The following SLC25A22 variants were observed in gnomAD, a reference collection of about 807,000 sequenced individuals.
SLC25A22 encodes solute carrier family 25 member 22, also known as mitochondrial glutamate carrier 1.
A neutral mutation model predicts 33.7 loss-of-function variants in SLC25A22; 23 were observed. The ratio of observed to expected loss-of-function variants is 0.68; its 90% CI spans 0.49 to 0.97. The LOEUF (loss-of-function observed/expected upper bound fraction) is 0.97, where lower values mean the gene tolerates loss of function less well. SLC25A22 is among the 50% of genes least tolerant of loss of function. The pLI, the probability that SLC25A22 is intolerant of heterozygous loss-of-function variation, is 0.00. For synonymous variants in SLC25A22, 245 were observed against 203.8 expected, an observed-to-expected ratio of 1.20 and a Z score of -1.72; for missense variants, 390 against 451.1, an observed-to-expected ratio of 0.86 and a Z score of 1.23.
intron 1 of SLC25A22, chr11:796,412 C>G (rs529921596): frequency 6.6e-6 from 1 of 152,256 alleles, no homozygotes; most frequent in African/African-American, 2.4e-5. Flanking sequence ...TCAGGCTGAC[C>G]TGGCACAGCG....
At chr11:795,888 AGAG>A (rs1478475317) in intron 1 of SLC25A22, among the ~76,000 whole-genome samples, 1 of 152,076 alleles carries the variant, frequency 6.6e-6, no homozygotes, top group African/African-American at 2.4e-5. Context: ...CATCCACTAC[AGAG>A]GAGGAGAGGA....
rs537403010 is a variant in SLC25A22, at chr11:791,706, T to A, written c.*209A>T. On this transcript the variant is annotated 3_prime_UTR_variant, in exon 10 of 10. Transcript: ENST00000628067. The stretch of plus-strand genomic sequence containing the variant: ...TGTAAAGATTTCTGCATTTTCTACA[T>A]AAATGAGACATTGATCCCAACGGTG... 1.6e-6 allele frequency: 1 copy of A among 640,688 alleles called. No individual in the cohort carries two copies. The highest frequency in any genetic ancestry group is 1.8e-5 in the African/African-American group (1 of 54,602). 39.7% of individuals were successfully genotyped at this position (640,688 alleles called of 1,614,324 possible). A position where few individuals can be genotyped will look rare whatever the true frequency, so the allele number is the denominator to read the frequency against.
rs750685962 is a variant in SLC25A22 at position 792,102 on chromosome 11, C to G, written c.819-34G>C. 7.8e-5 allele frequency: 125 copies of G among 1,603,138 alleles called. 1 individual carries two copies. The highest frequency in any genetic ancestry group is 7.6e-4 in the South Asian group (68 of 90,032). ...GAAGGACGAAAGGGTCAGCCCGGTA[C>G]GCAGGCCCCCAGGCCCCACCCGCCG... On this transcript the variant is annotated intron_variant, in intron 9 of 9. Transcript: ENST00000628067.
At chr11:794,214 T>G in intron 4 of SLC25A22, 1 of 700,968 alleles carries the variant, frequency 1.4e-6, no homozygotes, top group Non-Finnish European at 2.6e-6. Context: ...GAGACAGATG[T>G]ACCATGGCAT....
At chr11:797,635 AGGCTCCGAGTCTGGCCGGC>A (rs1864906180) in intron 1 of SLC25A22, 1 of 398,532 alleles carries the variant, frequency 2.5e-6, no homozygotes, top group Non-Finnish European at 4.4e-6. Context: ...AATGGGGGTG[AGGCTCCGAGTCTGGCCGGC>A]GGCTCCCCAT....
rs573691331 is a variant in SLC25A22 at position 794,994 on chromosome 11, G to T, written c.13C>A (p.Gln5Lys). The T allele has an allele frequency of 1.6e-5, 25 of 1,558,432 alleles. No homozygotes were observed. The South Asian group carries it at 2.7e-4, about 17-fold the overall frequency. The change falls in exon 2 of 10, where the codon CAG becomes AAG. Residue 5 changes from glutamine (Q) to lysine (K), a missense_variant. Gln to Lys is a moderately conservative substitution (Grantham distance 53). Transcript: ENST00000628067. MADK[Q>K]ISLPAKLING... The stretch of plus-strand genomic sequence containing the variant: ...CCAGGACTGGAGTCTGACCTGATCT[G>T]CTTATCAGCCATTTAACTCGATTGC...
In SLC25A22 at chr11:794,396, G is replaced by A. The variant is rs1864683225; in HGVS notation, c.202+62C>T. 4.4e-6 allele frequency: 7 copies of A among 1,578,900 alleles called. No homozygotes were observed. In the African/African-American group the frequency reaches 8.1e-5, roughly 18 times the overall value. On this transcript the variant is annotated intron_variant, in intron 4 of 9. Transcript: ENST00000628067. ...TGCCCTGCCTCCCCCACCGCTCCCT[G>A]CCACGACTCGCGGGCGCTACCCAGG... is the stretch of plus-strand genomic sequence containing the variant.
At chr11:793,063 C>T (rs1864622769) in intron 5 of SLC25A22, 75 bp from the exon 6 acceptor site, 1 of 1,414,086 alleles carries the variant, frequency 7.1e-7, no homozygotes, top group African/African-American at 1.4e-5. Flanking sequence ...CCCACCATGC[C>T]TGGGCGCAGA....
chr11:791,825 G>A lies in SLC25A22; in HGVS notation c.*90C>T, dbSNP rs1050960871. On this transcript the variant is annotated 3_prime_UTR_variant, in exon 10 of 10. Coordinates refer to ENST00000628067, the MANE Select transcript of SLC25A22 (RefSeq NM_001191061.2). ...CCTGCCGACGGGAGGGCTGGGGAGGGGTCTTCCCTTGCTCCGTCCTGGGCT... is the reference window on the plus strand; with the variant it reads ...CCTGCCGACGGGAGGGCTGGGGAGGAGTCTTCCCTTGCTCCGTCCTGGGCT... The A allele has an allele frequency of 1.4e-6, 2 of 1,468,388 alleles. No homozygotes were observed. The highest frequency in any genetic ancestry group is 4.4e-5 in the Admixed American group (2 of 44,946). The allele number at this position is 1,468,388 out of a possible 1,614,324, so 91.0% of individuals were successfully genotyped here. A position where few individuals can be genotyped will look rare whatever the true frequency, so the allele number is the denominator to read the frequency against.
rs121918334 is a variant in SLC25A22 at position 792,429 on chromosome 11, G to A, written c.617C>T (p.Pro206Leu). ...CAGCTGGTTCAGGTTGGCAAAGAGC[G>A]GGAAGTACACCACAGAGAAGGGGAC... The part of the protein sequence containing the change: ...RDVPFSVVYF[P>L]LFANLNQLGR... The change falls in exon 8 of 10, where the codon CCG (proline) becomes CTG (leucine). Residue 206 changes from proline to leucine, a missense_variant. Coordinates refer to ENST00000628067, the MANE Select transcript of SLC25A22 (RefSeq NM_001191061.2). 7 of 1,613,338 alleles carry A rather than the reference G, an allele frequency of 4.3e-6. No homozygotes were observed. The African/African-American group carries it at 5.3e-5, about 12-fold the overall frequency.
rs1864535185 is a variant in SLC25A22 at position 791,829 on chromosome 11, T to G, written c.*86A>C. ...CCGACGGGAGGGCTGGGGAGGGGTC[T>G]TCCCTTGCTCCGTCCTGGGCTAGCT... On this transcript the variant is annotated 3_prime_UTR_variant, in exon 10 of 10. Coordinates refer to ENST00000628067, the MANE Select transcript of SLC25A22 (RefSeq NM_001191061.2). 11 of 1,478,646 alleles carry G rather than the reference T, an allele frequency of 7.4e-6. No individual in the cohort carries two copies. Among genetic ancestry groups the G allele is most frequent in the Non-Finnish European group, 9.9e-6 (11 of 1,114,712 alleles). 91.6% of individuals were successfully genotyped at this position (1,478,646 alleles called of 1,614,324 possible).
At chr11:797,855 C>A in intron 1 of SLC25A22, 1 of 398,674 alleles carries the variant, frequency 2.5e-6, no homozygotes, top group South Asian at 1.3e-4. Flanking sequence ...CCGACCGCTC[C>A]GTCCTCCGCC....
intron 4 of SLC25A22, 58 bp downstream of exon 4, chr11:794,400 C>T (rs534141667): frequency 6.3e-6 from 10 of 1,586,266 alleles, no homozygotes; most frequent in Non-Finnish European, 6.0e-6. Context: ...CTCCCTGCCA[C>T]GACTCGCGGG....
chr11:794,434 G>C (rs373000046), intron 4 of SLC25A22, 24 bp downstream of exon 4: 2 of 1,609,728 alleles, frequency 1.2e-6, no homozygotes, highest in East Asian at 4.5e-5. Context: ...TGCCCATATC[G>C]AGCCCAGCCG....
Position 795,016 on chromosome 11 carries a change from T to C in SLC25A22, c.-10A>G, listed in dbSNP as rs1864729766. The C allele has an allele frequency of 9.7e-6, 15 of 1,553,864 alleles. No individual in the cohort carries two copies. The highest frequency in any genetic ancestry group is 1.3e-5 in the Non-Finnish European group (15 of 1,148,824). ...TCTGCTTATCAGCCATTTAACTCGA[T>C]TGCACCCAGGTAGGAGCCGCAGAGG... On this transcript the variant is annotated 5_prime_UTR_variant, in exon 2 of 10. Coordinates refer to ENST00000628067, the MANE Select transcript of SLC25A22 (RefSeq NM_001191061.2).
In SLC25A22 at chr11:798,254, C is replaced by G; in HGVS notation, c.-201G>C. The G allele has an allele frequency of 5.1e-6, 2 of 388,766 alleles. No individual in the cohort carries two copies. The highest frequency in any genetic ancestry group is 9.1e-6 in the Non-Finnish European group (2 of 219,880). 24.1% of individuals were successfully genotyped at this position (388,766 alleles called of 1,614,324 possible). A position where few individuals can be genotyped will look rare whatever the true frequency, so the allele number is the denominator to read the frequency against. ...CGCCGCCGCGCTCGCCTGCCCGCCC[C>G]GCGCTCGGCCAGCACCTAGGCGGGG... On this transcript the variant is annotated 5_prime_UTR_variant, in exon 1 of 10. Coordinates refer to ENST00000628067, the MANE Select transcript of SLC25A22 (RefSeq NM_001191061.2).
Position 793,558 on chromosome 11 carries a change from G to A in SLC25A22, c.264C>T (p.Asp88=). ...CCTTAGAGAGCTGATGTCGGAAGAAGTCGTTGGCTGCCAGCTTGATGGCCT... is the reference window on the plus strand; with the variant it reads ...CCTTAGAGAGCTGATGTCGGAAGAAATCGTTGGCTGCCAGCTTGATGGCCT... The part of the protein sequence containing the change: ...PEKAIKLAAN[D]FFRHQLSKDG... The change falls in exon 5 of 10, where the codon GAC becomes GAT. Residue 88 remains aspartate, a synonymous_variant. Transcript: ENST00000628067. 1 of 1,613,416 alleles carries A rather than the reference G, an allele frequency of 6.2e-7. No individual in the cohort carries two copies. Among genetic ancestry groups the A allele is most frequent in the South Asian group, 1.1e-5 (1 of 91,074 alleles).
At position 791,390 on chromosome 11, in the gene SLC25A22, G is replaced by C. The variant is rs1429477734; in HGVS notation, c.*525C>G. ...TCAACAGAGAGGGCAGGAGACCCCA[G>C]TCCTCTTGCAAGGCTGGCCAGGGAG... On this transcript the variant is annotated 3_prime_UTR_variant, in exon 10 of 10. Transcript: ENST00000628067. The C allele has an allele frequency of 5.6e-6, 1 of 177,602 alleles. No homozygotes were observed. Among genetic ancestry groups the C allele is most frequent in the Non-Finnish European group, 1.2e-5 (1 of 83,026 alleles). 11.0% of individuals were successfully genotyped at this position (177,602 alleles called of 1,614,324 possible).
In SLC25A22 at chr11:792,149, A is replaced by G. The variant is rs1264389835; in HGVS notation, c.811T>C (p.Cys271Arg). The G allele has an allele frequency of 1.2e-6, 2 of 1,612,606 alleles. No individual in the cohort carries two copies. Among genetic ancestry groups the G allele is most frequent in the Non-Finnish European group, 1.7e-6 (2 of 1,179,742 alleles). Reference protein sequence around the residue: ...NEDTYSGILDCARKILRHEGP... With the variant: ...NEDTYSGILDRARKILRHEGP... ...GCCGTGGGACCTCCCCACCTGGCAC[A>G]GTCCAGGATCCCAGAGTAGGTGTCC... Residue 271 changes from cysteine to arginine, a missense_variant, in exon 9 of 10, where the codon TGT (cysteine) becomes CGT (arginine). Transcript: ENST00000628067.
Sources: allele counts gnomAD v4.1 joint callset (sites outside exome capture counted in the v4.1 genomes callset), GRCh38; gene constraint gnomAD v4.1.1; transcripts MANE v1.5; gene names NCBI Gene and HGNC (gene_info 2026-07-23, HGNC 2026-07-21).